Variants in KIF26B observed in about 807,000 individuals in gnomAD.
The protein encoded by KIF26B is kinesin-like protein KIF26B.
A neutral mutation model predicts 151.2 loss-of-function variants in KIF26B; 63 were observed. That is an observed-to-expected ratio of 0.42 (90% CI 0.34 to 0.51). The LOEUF (loss-of-function observed/expected upper bound fraction) is 0.51. Ranked by LOEUF, KIF26B falls within the 20% of genes least tolerant of loss-of-function variation. KIF26B has a pLI of 0.07. For missense variants in KIF26B, 2,813 were observed against 2,913.6 expected, an observed-to-expected ratio of 0.97 and a Z score of 0.79; for synonymous variants, 1,357 against 1,262.1, an observed-to-expected ratio of 1.08 and a Z score of -1.59.
At chr1:245,180,870 CT>C (rs1262443389) in intron 2 of KIF26B, among the ~76,000 whole-genome samples, 2 of 152,134 alleles carry the variant, frequency 1.3e-5, no homozygotes, top group African/African-American at 4.8e-5. Flanking sequence ...GGGCCTTGCT[CT>C]GTCACCCTGG....
intron 2 of KIF26B, among the ~76,000 whole-genome samples, chr1:245,160,691 T>C (rs572816545): frequency 6.6e-5 from 10 of 151,844 alleles, no homozygotes; most frequent in East Asian, 1.9e-4. Context: ...TCCTATCTGA[T>C]TGTCTCTCAG....
Position 245,540,066 on chromosome 1 carries a change from ACACTCT to A in KIF26B, c.1167-700_1167-695del, listed in dbSNP as rs1163615843. On this transcript the variant is annotated intron_variant, in intron 4 of 14. Coordinates refer to ENST00000407071, the MANE Select transcript of KIF26B (RefSeq NM_018012.4). This position sits in a 1 kb window ranked among gnomAD's most constrained non-coding sequence, Gnocchi z 4.6. ...TCCCCTCCCACCTTTCCCTGCCTTC[ACACTCT>A]GTGCCCCCTTCAGTGCTTTGACCCC... is the stretch of plus-strand genomic sequence containing the variant. 3.3e-5 allele frequency among the ~76,000 whole-genome samples: 5 copies of A among 152,058 alleles called. No individual in the cohort carries two copies. The highest frequency in any genetic ancestry group is 2.9e-5 in the Non-Finnish European group (2 of 68,010).
At chr1:245,579,709 G>A (rs2043156238) in intron 5 of KIF26B, among the ~76,000 whole-genome samples, 1 of 152,014 alleles carries the variant, frequency 6.6e-6, no homozygotes, top group Non-Finnish European at 1.5e-5. Flanking sequence ...TTAGCCCGGT[G>A]TGGTGGCACA....
chr1:245,352,107 A>G lies in KIF26B; in HGVS notation c.466-14727A>G, dbSNP rs1435334414. On this transcript the variant is annotated intron_variant, in intron 2 of 14. Coordinates refer to ENST00000407071, the MANE Select transcript of KIF26B (RefSeq NM_018012.4). This position sits in a 1 kb window ranked among gnomAD's most constrained non-coding sequence, Gnocchi z 5.0. ...AATCTTTCATTTCTTCTGATTGTCT[A>G]TCAGTAGGGAAGGTCCAAGTCCCAC... Among the ~76,000 whole-genome samples the G allele has an allele frequency of 6.6e-6, 1 of 152,148 alleles. No homozygotes were observed. Among genetic ancestry groups the G allele is most frequent in the Non-Finnish European group, 1.5e-5 (1 of 68,042 alleles).
intron 2 of KIF26B, among the ~76,000 whole-genome samples, chr1:245,237,551 G>A (rs1670133240): frequency 1.3e-5 from 2 of 152,096 alleles, no homozygotes; most frequent in South Asian, 4.1e-4. Context: ...CTGCAGCCGG[G>A]GCCCAGGGGG....
chr1:245,276,696 A>C (rs910693667), intron 2 of KIF26B, among the ~76,000 whole-genome samples: 1 of 152,126 alleles, frequency 6.6e-6, no homozygotes, highest in Non-Finnish European at 1.5e-5. Flanking sequence ...GATGCCATGA[A>C]TTTCCCTGCC....
Position 245,244,115 on chromosome 1 carries a change from T to C in KIF26B, c.465+87432T>C, listed in dbSNP as rs890826046. Among the ~76,000 whole-genome samples the C allele has an allele frequency of 6.6e-6, 1 of 151,872 alleles. No individual in the cohort carries two copies. Among genetic ancestry groups the C allele is most frequent in the Admixed American group, 6.6e-5 (1 of 15,230 alleles). ...GCATGCACCATCATGCCTGGCTAAT[T>C]TTTATTTATTTATTTATTTTTTGTA... On this transcript the variant is annotated intron_variant, in intron 2 of 14. Transcript: ENST00000407071. This position sits in a 1 kb window ranked among gnomAD's most constrained non-coding sequence, Gnocchi z 4.2.
chr1:245,184,047 G>GTGGTTTTTTTTT, intron 2 of KIF26B, among the ~76,000 whole-genome samples: 1 of 9,246 alleles, frequency 1.1e-4, no homozygotes, highest in South Asian at 3.0e-3. Flanking sequence ...GGTGGGAGTT[G>GTGGTTTTTTTTT]TTGTTTTTTT....
At chr1:245,592,757 G>T (rs926197477) in intron 5 of KIF26B, among the ~76,000 whole-genome samples, 1 of 151,288 alleles carries the variant, frequency 6.6e-6, no homozygotes. Context: ...GATTATTATT[G>T]TGTGTTTTGT....
chr1:245,387,900 G>A (rs1378222439), intron 3 of KIF26B, among the ~76,000 whole-genome samples: 1 of 152,080 alleles, frequency 6.6e-6, no homozygotes, highest in Non-Finnish European at 1.5e-5. Context: ...CCAACCTCTG[G>A]TCATTCACCA....
intron 9 of KIF26B, among the ~76,000 whole-genome samples, chr1:245,640,306 G>A (rs1201965156): frequency 6.6e-6 from 1 of 151,006 alleles, no homozygotes; most frequent in African/African-American, 2.4e-5. Flanking sequence ...AGTATAGCTA[G>A]TCTTGATCAT....
At chr1:245,504,037 G>A (rs1300768419) in intron 4 of KIF26B, among the ~76,000 whole-genome samples, 2 of 152,166 alleles carry the variant, frequency 1.3e-5, no homozygotes, top group African/African-American at 4.8e-5. Flanking sequence ...TCCCCTAGGG[G>A]CTGCTGAATA....
In KIF26B at chr1:245,202,982, C is replaced by T. The variant is rs536392299; in HGVS notation, c.465+46299C>T. Among the ~76,000 whole-genome samples the T allele has an allele frequency of 2.1e-4, 32 of 149,758 alleles. No homozygotes were observed. In the South Asian group the frequency reaches 5.3e-3, roughly 25 times the overall value. On this transcript the variant is annotated intron_variant, in intron 2 of 14. Coordinates refer to ENST00000407071, the MANE Select transcript of KIF26B (RefSeq NM_018012.4). ...AAACAAAAACAAAAAAGGCCGGGCG[C>T]GGTGGCTCATGCCTGTAATCCCAGC...
intron 8 of KIF26B, 142 bp downstream of exon 8, chr1:245,609,670 G>A (rs1285166212): frequency 2.1e-5 from 19 of 884,152 alleles, no homozygotes; most frequent in Middle Eastern, 3.6e-4. Flanking sequence ...GAACTTTATG[G>A]CCTGCAGCTG....
intron 2 of KIF26B, among the ~76,000 whole-genome samples, chr1:245,248,419 C>T (rs1670376631): frequency 6.6e-6 from 1 of 152,198 alleles, no homozygotes; most frequent in East Asian, 1.9e-4. Flanking sequence ...CCGTAACTGT[C>T]CTAGAACAGC....
chr1:245,535,199 A>G (rs1282830180), intron 4 of KIF26B, among the ~76,000 whole-genome samples: 2 of 152,298 alleles, frequency 1.3e-5, no homozygotes, highest in African/African-American at 2.4e-5. Context: ...TTGAAGTGCT[A>G]TATGAAAAGA....
At chr1:245,199,378 T>C (rs12027773) in intron 2 of KIF26B, among the ~76,000 whole-genome samples, 24,688 of 152,128 alleles carry the variant, frequency 0.16, 2,061 homozygotes, top group Middle Eastern at 0.23. Flanking sequence ...TAGTGCGTAG[T>C]TGATTAGGGG....
At chr1:245,287,357 A>G (rs1050850524) in intron 2 of KIF26B, among the ~76,000 whole-genome samples, 1 of 152,122 alleles carries the variant, frequency 6.6e-6, no homozygotes, top group African/African-American at 2.4e-5. Flanking sequence ...ACAATTGGAC[A>G]CTGTTTGCAT....
rs145208386 is a variant in KIF26B, at chr1:245,652,974, C to A, written c.2258+6694C>A. 3.8e-3 allele frequency among the ~76,000 whole-genome samples: 579 copies of A among 152,260 alleles called. 7 individuals carry two copies. The highest frequency in any genetic ancestry group is 0.013 in the African/African-American group (552 of 41,534). On this transcript the variant is annotated intron_variant, in intron 10 of 14. Transcript: ENST00000407071. ...CTTTCAAGTGTATCTTCCTTTATGT[C>A]TAATGTCTGGGGTTACTATTAAAGT...
Sources: allele counts gnomAD v4.1 joint callset (sites outside exome capture counted in the v4.1 genomes callset), GRCh38; gene constraint gnomAD v4.1.1; non-coding constraint Gnocchi (gnomAD v3.1); transcripts MANE v1.5; gene names NCBI Gene and HGNC (gene_info 2026-07-23, HGNC 2026-07-21).